Variants in CACNA1A observed in about 807,000 individuals in gnomAD.
The protein encoded by CACNA1A is voltage-dependent P/Q-type calcium channel subunit alpha-1A.
Under a neutral mutation model 262.4 loss-of-function variants are expected in CACNA1A, and 57 were observed. That is an observed-to-expected ratio of 0.22 (90% CI 0.18 to 0.27). The LOEUF (loss-of-function observed/expected upper bound fraction) is 0.27. CACNA1A is among the 10% of genes least tolerant of loss of function. CACNA1A has a pLI of 1.00. For synonymous variants in CACNA1A, 1,431 were observed against 1,419.3 expected, an observed-to-expected ratio of 1.01 and a Z score of -0.18; for missense variants, 2,526 against 3,562.8, an observed-to-expected ratio of 0.71 and a Z score of 7.41.
chr19:13,312,424 G>C (rs1405728365), intron 12 of CACNA1A, among the ~76,000 whole-genome samples: 1 of 152,164 alleles, frequency 6.6e-6, no homozygotes, highest in Non-Finnish European at 1.5e-5. Flanking sequence ...TGGAAAACTT[G>C]TCTTATGTCC....
intron 3 of CACNA1A, among the ~76,000 whole-genome samples, chr19:13,445,971 G>A (rs540213914): frequency 6.6e-4 from 101 of 152,256 alleles, no homozygotes; most frequent in African/African-American, 2.3e-3. Context: ...AGGGCAACAG[G>A]TTAATCAGAA....
chr19:13,267,275 C>T (rs562921865), intron 24 of CACNA1A, among the ~76,000 whole-genome samples: 1 of 152,180 alleles, frequency 6.6e-6, no homozygotes, highest in African/African-American at 2.4e-5. Flanking sequence ...CGTACACACA[C>T]GCACCCCTGA....
intron 3 of CACNA1A, among the ~76,000 whole-genome samples, chr19:13,394,650 CCAAAGCCCTGTTCA>C (rs2059778783): frequency 6.6e-6 from 1 of 152,210 alleles, no homozygotes; most frequent in Non-Finnish European, 1.5e-5. Context: ...TTCTACTCTT[CCAAAGCCCTGTTCA>C]CAGCATCGTC....
intron 10 of CACNA1A, among the ~76,000 whole-genome samples, chr19:13,325,027 T>C (rs1477258506): frequency 6.7e-6 from 1 of 149,924 alleles, no homozygotes; most frequent in African/African-American, 2.5e-5. Flanking sequence ...TTCTTCGTCT[T>C]CTTCTTCCTC....
intron 3 of CACNA1A, among the ~76,000 whole-genome samples, chr19:13,415,743 TAAAAAAAAAAAAAAAAAA>T: frequency 2.4e-5 from 1 of 42,512 alleles, no homozygotes; most frequent in East Asian, 8.6e-4. Context: ...CTGTCTCAAT[TAAAAAAAAAAAAAAAAAA>T]AAAAAAAAAA....
intron 9 of CACNA1A, 78 bp from the exon 10 acceptor site, chr19:13,330,411 T>A: frequency 9.7e-7 from 1 of 1,032,334 alleles, no homozygotes; most frequent in Non-Finnish European, 1.5e-6. Context: ...CAGTGTGTCC[T>A]TGGATTTAAC....
chr19:13,317,036 C>T (rs1476195057), intron 11 of CACNA1A, 76 bp downstream of exon 11: 2 of 923,970 alleles, frequency 2.2e-6, no homozygotes, highest in Non-Finnish European at 3.4e-6. Flanking sequence ...CACATACTAC[C>T]AGAGAAAGAG....
chr19:13,345,383 A>C (rs1009910047), intron 6 of CACNA1A, among the ~76,000 whole-genome samples: 3 of 152,154 alleles, frequency 2.0e-5, no homozygotes, highest in Admixed American at 2.0e-4. Flanking sequence ...GTACTTGCAT[A>C]GTATTTTAAG....
chr19:13,214,060 C>T lies in CACNA1A; in HGVS notation c.5940+173G>A. On this transcript the variant is annotated intron_variant, in intron 40 of 46. Transcript: ENST00000360228. This position sits in a 1 kb window ranked among gnomAD's most constrained non-coding sequence, Gnocchi z 4.1. ...CTCATCCTGGTCTCAAACGATCCCT[C>T]TGCCCTGGCCTCTCAAAGCACTGAG... is the stretch of plus-strand genomic sequence containing the variant. 2 of 610,384 alleles carry T rather than the reference C, an allele frequency of 3.3e-6. No homozygotes were observed. Among genetic ancestry groups the T allele is most frequent in the East Asian group, 2.8e-5 (1 of 35,856 alleles). 37.8% of individuals were successfully genotyped at this position (610,384 alleles called of 1,614,324 possible). A position where few individuals can be genotyped will look rare whatever the true frequency, so the allele number is the denominator to read the frequency against.
rs150220635 is a variant in CACNA1A at position 13,292,212 on chromosome 19, T to C, written c.3090-5246A>G. 3.4e-4 allele frequency among the ~76,000 whole-genome samples: 52 copies of C among 152,226 alleles called. 1 individual carries two copies. The East Asian group carries it at 9.7e-3, about 28-fold the overall frequency. ...TGGGGGATCTGGGGCCAGCAGCCAT[T>C]GAATTATATGAAATAGAATGTGCGT... is the stretch of plus-strand genomic sequence containing the variant. On this transcript the variant is annotated intron_variant, in intron 19 of 46. Coordinates refer to ENST00000360228, the MANE Select transcript of CACNA1A (RefSeq NM_001127222.2).
In CACNA1A at chr19:13,355,892, C is replaced by T. The variant is rs6511864; in HGVS notation, c.978+3714G>A. Among the ~76,000 whole-genome samples the T allele has an allele frequency of 5.0e-3, 762 of 152,260 alleles. 6 individuals are homozygous for T. Among genetic ancestry groups the T allele is most frequent in the African/African-American group, 0.017 (712 of 41,530 alleles). ...TTACCCACTTGATGCCAATAGCATC[C>T]TCCTTCTTCCCATCCAGTTGTGACA... is the stretch of plus-strand genomic sequence containing the variant. On this transcript the variant is annotated intron_variant, in intron 6 of 46. Transcript: ENST00000360228.
At chr19:13,208,653 T>G (rs2054671565) in intron 46 of CACNA1A, 103 bp downstream of exon 46, 1 of 1,373,098 alleles carries the variant, frequency 7.3e-7, no homozygotes, top group South Asian at 1.5e-5. Context: ...ACAGCCGGGA[T>G]CCGGGGACCT....
intron 19 of CACNA1A, among the ~76,000 whole-genome samples, chr19:13,294,879 CCT>C (rs1298773616): frequency 2.0e-5 from 3 of 152,268 alleles, no homozygotes; most frequent in South Asian, 2.1e-4. Flanking sequence ...CTCTCATTCC[CCT>C]GAGTGACTGA....
At chr19:13,282,700 G>A (rs2057320147) in intron 22 of CACNA1A, among the ~76,000 whole-genome samples, 1 of 151,934 alleles carries the variant, frequency 6.6e-6, no homozygotes, top group South Asian at 2.1e-4. Flanking sequence ...GGGGGGTTGG[G>A]GGGGCGCATT....
intron 30 of CACNA1A, chr19:13,252,516 G>A (rs10405294): frequency 0.32 from 48,431 of 152,172 alleles, 8,084 homozygotes; most frequent in East Asian, 0.38. Context: ...TCAGCCTCCC[G>A]AGTAGCTGGG....
intron 1 of CACNA1A, among the ~76,000 whole-genome samples, chr19:13,489,766 T>A (rs1013716039): frequency 1.3e-5 from 2 of 152,136 alleles, no homozygotes; most frequent in African/African-American, 4.8e-5. Context: ...GAGAGAACCA[T>A]CAGAGCCTCC....
intron 10 of CACNA1A, among the ~76,000 whole-genome samples, chr19:13,327,773 A>T (rs1434599713): frequency 6.6e-6 from 1 of 152,000 alleles, no homozygotes; most frequent in Non-Finnish European, 1.5e-5. Context: ...CGGTTTCACC[A>T]TGTTGGCCAG....
chr19:13,335,505 C>T (rs557181868), intron 7 of CACNA1A, among the ~76,000 whole-genome samples: 6 of 152,114 alleles, frequency 3.9e-5, no homozygotes, highest in Non-Finnish European at 7.4e-5. Context: ...GAAAATACAC[C>T]GTTAGAGCAT....
chr19:13,490,491 C>T (rs1400975930), intron 1 of CACNA1A, among the ~76,000 whole-genome samples: 2 of 151,952 alleles, frequency 1.3e-5, no homozygotes, highest in Admixed American at 6.6e-5. Flanking sequence ...TAGTCCCAGC[C>T]ACTTGGGAGG....
Sources: allele counts gnomAD v4.1 joint callset (sites outside exome capture counted in the v4.1 genomes callset), GRCh38; gene constraint gnomAD v4.1.1; non-coding constraint Gnocchi (gnomAD v3.1); transcripts MANE v1.5; gene names NCBI Gene and HGNC (gene_info 2026-07-23, HGNC 2026-07-21).